Variants in WDR97 observed in about 807,000 individuals in gnomAD.
WDR97 encodes WD repeat-containing protein 97.
A neutral mutation model predicts 65.4 loss-of-function variants in WDR97; 111 were observed. That is an observed-to-expected ratio of 1.70 (90% CI 1.45 to 1.99). The LOEUF is 1.99. WDR97 is among the 30% of genes most tolerant of loss of function. WDR97 has a pLI of 0.00. For missense variants in WDR97, 1,674 were observed against 865.0 expected, an observed-to-expected ratio of 1.94 and a Z score of -11.73; for synonymous variants, 802 against 397.7, an observed-to-expected ratio of 2.02 and a Z score of -12.10.
Position 144,108,631 on chromosome 8 carries a change from C to T in WDR97, c.565C>T (p.Gln189Ter). The T allele has an allele frequency of 1.4e-6, 1 of 700,498 alleles. No homozygotes were observed. The highest frequency in any genetic ancestry group is 2.7e-5 in the East Asian group (1 of 37,256). The allele number at this position is 700,498 out of a possible 1,614,324, so 43.4% of individuals were successfully genotyped here. The change falls in exon 3 of 24, where the codon CAG becomes TAG. Residue 189 changes from glutamine (Q) to a stop codon, truncating the protein, a stop_gained. Coordinates refer to ENST00000323662, the MANE Select transcript of WDR97 (RefSeq NM_001316309.2). LOFTEE classifies it high-confidence loss of function. ...PNLSLLWLSE[Q>*]GVGRAPGWAP... is the part of the protein sequence containing the mutation. The stretch of plus-strand genomic sequence containing the variant: ...CCTCAGCCTGCTGTGGCTGAGCGAG[C>T]AGGGGGTGGGCAGGGCCCCGGGTTG...
At chr8:144,113,149 C>CTCTTATACACAT in intron 15 of WDR97, 1 of 531,578 alleles carries the variant, frequency 1.9e-6, no homozygotes, top group Non-Finnish European at 3.3e-6. Flanking sequence ...GGGGCCAAGT[C>CTCTTATACACAT]CTGTAAGGAG....
chr8:144,112,461 A>G lies in WDR97; in HGVS notation c.3036A>G (p.Pro1012=), dbSNP rs1158865976. 1 of 702,620 alleles carries G rather than the reference A, an allele frequency of 1.4e-6. No homozygotes were observed. The highest frequency in any genetic ancestry group is 2.6e-6 in the Non-Finnish European group (1 of 384,902). 43.5% of individuals were successfully genotyped at this position (702,620 alleles called of 1,614,324 possible). Residue 1012 remains proline (P), a synonymous_variant, in exon 15 of 24, where the codon CCA becomes CCG. Coordinates refer to ENST00000323662, the MANE Select transcript of WDR97 (RefSeq NM_001316309.2). The stretch of plus-strand genomic sequence containing the variant: ...CCATCCCCCAGATCCCACTGCTGCC[A>G]AAGAGATGGGACAAGGAACCTCTCT... ...SHLQCRIPLL[P]KRWDKEPLSS...
At chr8:144,111,383 G>A (rs1407633873) in intron 10 of WDR97, 43 bp from the exon 11 acceptor site, 1 of 702,782 alleles carries the variant, frequency 1.4e-6, no homozygotes, top group South Asian at 1.5e-5. Context: ...CAGCCCACTG[G>A]CATGCCACCC....
In WDR97 at chr8:144,110,261, G is replaced by C. The variant is rs1248215536; in HGVS notation, c.1843+5G>C. ...GGAACAGCATTGTGTCTTCGGGTCA[G>C]TAGCTCCCCTGCCAAAGGCCAGGCC... On this transcript the variant is annotated splice_donor_5th_base_variant and intron_variant, in intron 6 of 23. Transcript: ENST00000323662. The C allele has an allele frequency of 4.3e-6, 3 of 702,224 alleles. No homozygotes were observed. Among genetic ancestry groups the C allele is most frequent in the Non-Finnish European group, 7.8e-6 (3 of 384,480 alleles). 43.5% of individuals were successfully genotyped at this position (702,224 alleles called of 1,614,324 possible).
At position 144,108,841 on chromosome 8, in the gene WDR97, C is replaced by T. The variant is rs927084423; in HGVS notation, c.775C>T (p.Pro259Ser). The change falls in exon 3 of 24, where the codon CCC becomes TCC. Residue 259 changes from proline (P) to serine (S), a missense_variant. Physicochemically the swap from Pro to Ser is moderately conservative, Grantham distance 74 (BLOSUM62 -1). Coordinates refer to ENST00000323662, the MANE Select transcript of WDR97 (RefSeq NM_001316309.2). ...LMRLAVAPVP[P>S]HHVLRCFAAY... Reference sequence around the variant, plus strand: ...GCGTCTGGCTGTGGCGCCGGTTCCTCCCCACCACGTCCTGCGCTGCTTCGC... The same window carrying T: ...GCGTCTGGCTGTGGCGCCGGTTCCTTCCCACCACGTCCTGCGCTGCTTCGC... The T allele has an allele frequency of 1.7e-5, 12 of 702,804 alleles. No individual in the cohort carries two copies. Among genetic ancestry groups the T allele is most frequent in the Non-Finnish European group, 3.1e-5 (12 of 384,976 alleles). The allele number at this position is 702,804 out of a possible 1,614,324, so 43.5% of individuals were successfully genotyped here.
At position 144,110,510 on chromosome 8, in the gene WDR97, G is replaced by A. The variant is rs1225009489; in HGVS notation, c.2013G>A (p.Gln671=). ...ACAGCGCTACCTACGGCCTGGTGCA[G>A]TTTGGCCTGGGCGACAGTCCGCGAT... The part of the protein sequence containing the change: ...DPDSATYGLV[Q]FGLGDSPRLD... The change falls in exon 7 of 24, where the codon CAG becomes CAA. Residue 671 remains glutamine, a synonymous_variant. Transcript: ENST00000323662. 4.3e-6 allele frequency: 3 copies of A among 702,966 alleles called. No individual in the cohort carries two copies. In the South Asian group the frequency reaches 4.4e-5, roughly 10 times the overall value. The allele number at this position is 702,966 out of a possible 1,614,324, so 43.5% of individuals were successfully genotyped here.
At chr8:144,110,840 CG>C in intron 8 of WDR97, 23 bp from the exon 9 acceptor site, 1 of 702,638 alleles carries the variant, frequency 1.4e-6, no homozygotes. Flanking sequence ...TGCTGAGCCT[CG>C]GCTGCCCTGG....
chr8:144,108,566 T>C lies in WDR97; in HGVS notation c.500T>C (p.Val167Ala), dbSNP rs1277072385. The C allele has an allele frequency of 5.7e-6, 4 of 700,910 alleles. No individual in the cohort carries two copies. The highest frequency in any genetic ancestry group is 5.4e-5 in the East Asian group (2 of 37,258). The allele number at this position is 700,910 out of a possible 1,614,324, so 43.4% of individuals were successfully genotyped here. Residue 167 changes from valine to alanine, a missense_variant, in exon 3 of 24, where the codon GTA becomes GCA. Val to Ala is a moderately conservative substitution (Grantham distance 64). Coordinates refer to ENST00000323662, the MANE Select transcript of WDR97 (RefSeq NM_001316309.2). ...LGPLGAVGRF[V>A]GWGPAGLAIL... ...CCGCTGGGTGCCGTGGGCCGTTTTGTAGGCTGGGGCCCCGCGGGGCTGGCA... is the reference window on the plus strand; with the variant it reads ...CCGCTGGGTGCCGTGGGCCGTTTTGCAGGCTGGGGCCCCGCGGGGCTGGCA...
At position 144,114,004 on chromosome 8, in the gene WDR97, C is replaced by T. The variant is rs1031437254; in HGVS notation, c.3436C>T (p.Arg1146Trp). 43 of 702,624 alleles carry T rather than the reference C, an allele frequency of 6.1e-5. No homozygotes were observed. The highest frequency in any genetic ancestry group is 7.5e-5 in the Non-Finnish European group (29 of 384,958). The allele number at this position is 702,624 out of a possible 1,614,324, so 43.5% of individuals were successfully genotyped here. The change falls in exon 18 of 24, where the codon CGG (arginine) becomes TGG (tryptophan). Residue 1146 changes from arginine (R) to tryptophan (W), a missense_variant. By Grantham distance (101) the Arg-to-Trp change is moderately radical. Coordinates refer to ENST00000323662, the MANE Select transcript of WDR97 (RefSeq NM_001316309.2). ...TGCTGTGGACTGGACCCAGGAGCCC[C>T]GGCGGCGCAGCTGCAAGGTTGCCAG... ...QSAVDWTQEPRRRSCKVARTH... is the reference protein window; with the variant it reads ...QSAVDWTQEPWRRSCKVARTH...
Position 144,113,325 on chromosome 8 carries a change from C to A in WDR97, c.3106-115C>A, listed in dbSNP as rs186060102. The A allele has an allele frequency of 6.1e-4, 407 of 667,804 alleles. 2 individuals carry two copies. The African/African-American group carries it at 6.3e-3, about 10-fold the overall frequency. 41.4% of individuals were successfully genotyped at this position (667,804 alleles called of 1,614,324 possible). ...GCTCAGCCAGCTCTCGGAGGCCTGG[C>A]AGGCAGAGCTGGACTGGCGGCTGAG... On this transcript the variant is annotated intron_variant, in intron 15 of 23. Transcript: ENST00000323662.
chr8:144,110,920 A>G lies in WDR97; in HGVS notation c.2228A>G (p.Asp743Gly), dbSNP rs1263514839. ...CTGGCTTTCTGCAGCAACAGTGGAG[A>G]CCTGGTGCTGGCGCTGGGATCCCGC... is the stretch of plus-strand genomic sequence containing the variant. ...QALAFCSNSG[D>G]LVLALGSRLC... The change falls in exon 9 of 24, where the codon GAC becomes GGC. Residue 743 changes from aspartate to glycine, a missense_variant. Asp to Gly is a moderately conservative substitution (Grantham distance 94). Transcript: ENST00000323662. 1.4e-6 allele frequency: 1 copy of G among 702,744 alleles called. No homozygotes were observed. The highest frequency in any genetic ancestry group is 2.6e-6 in the Non-Finnish European group (1 of 384,956). 43.5% of individuals were successfully genotyped at this position (702,744 alleles called of 1,614,324 possible).
Position 144,115,955 on chromosome 8 carries a change from C to T in WDR97, c.4608C>T (p.Ile1536=), listed in dbSNP as rs1200786520. The T allele has an allele frequency of 1.4e-6, 1 of 701,190 alleles. No individual in the cohort carries two copies. Among genetic ancestry groups the T allele is most frequent in the Non-Finnish European group, 2.6e-6 (1 of 384,434 alleles). 43.4% of individuals were successfully genotyped at this position (701,190 alleles called of 1,614,324 possible). A position where few individuals can be genotyped will look rare whatever the true frequency, so the allele number is the denominator to read the frequency against. The change falls in exon 23 of 24, where the codon ATC becomes ATT. Residue 1536 remains isoleucine, a synonymous_variant. Transcript: ENST00000323662. ...PPPREHWYHP[I]LRLQEAKPQR... Reference sequence around the variant, plus strand: ...TCTTTGCCTCCAGGTACCACCCCATCCTCCGGCTGCAGGAGGCCAAGCCGC... The same window carrying T: ...TCTTTGCCTCCAGGTACCACCCCATTCTCCGGCTGCAGGAGGCCAAGCCGC...
chr8:144,116,452 C>A lies in WDR97; in HGVS notation c.*159C>A. 1 of 500,676 alleles carries A rather than the reference C, an allele frequency of 2.0e-6. No individual in the cohort carries two copies. 31.0% of individuals were successfully genotyped at this position (500,676 alleles called of 1,614,324 possible). On this transcript the variant is annotated 3_prime_UTR_variant, in exon 24 of 24. Coordinates refer to ENST00000323662, the MANE Select transcript of WDR97 (RefSeq NM_001316309.2). The stretch of plus-strand genomic sequence containing the variant: ...ACGGCGTGTGGGCGTGCGGCCTGAA[C>A]CCACAGTGGCGGCGGAAGGCAGGAG...
chr8:144,108,433 G>T lies in WDR97; in HGVS notation c.367G>T (p.Val123Leu), dbSNP rs1434693352. The T allele has an allele frequency of 2.9e-6, 2 of 699,646 alleles. No individual in the cohort carries two copies. Among genetic ancestry groups the T allele is most frequent in the Non-Finnish European group, 5.2e-6 (2 of 383,718 alleles). 43.3% of individuals were successfully genotyped at this position (699,646 alleles called of 1,614,324 possible). Residue 123 changes from valine to leucine, a missense_variant, in exon 3 of 24, where the codon GTG (valine) becomes TTG (leucine). Val to Leu is a conservative substitution (Grantham distance 32). Coordinates refer to ENST00000323662, the MANE Select transcript of WDR97 (RefSeq NM_001316309.2). ...VAQDPVGGRF[V>L]VLDGAGRLHL... ...GCAGGACCCGGTGGGTGGACGCTTC[G>T]TGGTGCTGGACGGCGCGGGCCGCCT...
chr8:144,109,289 G>A (rs1024072002), intron 4 of WDR97, 46 bp from the exon 5 acceptor site: 22 of 699,116 alleles, frequency 3.1e-5, no homozygotes, highest in Admixed American at 2.6e-4. Context: ...CAGGCTGAAG[G>A]CTCCCCTGCC....
rs1346151159 is a variant in WDR97, at chr8:144,108,960, C to T, written c.878+16C>T. 16 of 702,836 alleles carry T rather than the reference C, an allele frequency of 2.3e-5. No individual in the cohort carries two copies. The highest frequency in any genetic ancestry group is 4.2e-5 in the Non-Finnish European group (16 of 384,960). The allele number at this position is 702,836 out of a possible 1,614,324, so 43.5% of individuals were successfully genotyped here. On this transcript the variant is annotated intron_variant, in intron 3 of 23. Coordinates refer to ENST00000323662, the MANE Select transcript of WDR97 (RefSeq NM_001316309.2). ...TGCACAAAACGTGAGGGGGATCCCC[C>T]TAGGGAGGGCCAGGCATGTAGGGGC...
chr8:144,116,596 T>G lies in WDR97; in HGVS notation c.*303T>G. 3.3e-6 allele frequency: 1 copy of G among 301,456 alleles called. No individual in the cohort carries two copies. The allele number at this position is 301,456 out of a possible 1,614,324, so 18.7% of individuals were successfully genotyped here. ...CGCTGGGCACTGAGCAAACGTTTTC[T>G]GCTCAAGTACTAGGTGTTGAGATGC... On this transcript the variant is annotated 3_prime_UTR_variant, in exon 24 of 24. Coordinates refer to ENST00000323662, the MANE Select transcript of WDR97 (RefSeq NM_001316309.2).
Position 144,111,766 on chromosome 8 carries a change from C to T in WDR97, c.2622C>T (p.Tyr874=), listed in dbSNP as rs369827021. The change falls in exon 12 of 24, where the codon TAC becomes TAT. Residue 874 remains tyrosine, a synonymous_variant. Coordinates refer to ENST00000323662, the MANE Select transcript of WDR97 (RefSeq NM_001316309.2). ...EGFDNYLRLI[Y]GSGLLGMQSG... ...TTGACAATTACCTCCGTCTGATCTA[C>T]GGCTCTGGCCTGCTGGTAGGTGTAG... 159 of 685,540 alleles carry T rather than the reference C, an allele frequency of 2.3e-4. No homozygotes were observed. Among genetic ancestry groups the T allele is most frequent in the African/African-American group, 3.5e-4 (20 of 57,000 alleles). The allele number at this position is 685,540 out of a possible 1,614,324, so 42.5% of individuals were successfully genotyped here.
chr8:144,112,608 C>T, intron 15 of WDR97, 78 bp downstream of exon 15: 3 of 694,342 alleles, frequency 4.3e-6, no homozygotes, highest in Non-Finnish European at 7.9e-6. Context: ...CCCTTTGCTA[C>T]AAATCTTTGT....
Sources: gnomAD v4.1 joint callset for allele counts on GRCh38, gnomAD v4.1.1 for gene constraint, MANE v1.5 for transcripts, NCBI Gene and HGNC (gene_info 2026-07-23, HGNC 2026-07-21) for gene names.